The following PTPRN2 variants were observed in gnomAD, a reference collection of about 807,000 sequenced individuals.
PTPRN2 encodes the protein protein tyrosine phosphatase receptor type N2, also known as receptor-type tyrosine-protein phosphatase N2.
PTPRN2 carries 74 observed loss-of-function variants against 118.8 expected under a neutral mutation model. That is an observed-to-expected ratio of 0.62 (90% CI 0.52 to 0.76). PTPRN2 has a LOEUF of 0.76. Ranked by LOEUF, PTPRN2 falls within the 30% of genes least tolerant of loss-of-function variation. PTPRN2 has a pLI of 0.00. For missense variants in PTPRN2, 1,481 were observed against 1,394.4 expected, an observed-to-expected ratio of 1.06 and a Z score of -0.99; for synonymous variants, 641 against 608.0, an observed-to-expected ratio of 1.05 and a Z score of -0.80.
chr7:158,353,758 A>G (rs1427055760), intron 2 of PTPRN2, among the ~76,000 whole-genome samples: 7 of 152,192 alleles, frequency 4.6e-5, no homozygotes, highest in Admixed American at 6.5e-5. Context: ...CATCCAGTAC[A>G]CAAAAGATTT....
At chr7:158,120,598 A>G (rs1158604187) in intron 9 of PTPRN2, among the ~76,000 whole-genome samples, 1 of 152,170 alleles carries the variant, frequency 6.6e-6, no homozygotes, top group Non-Finnish European at 1.5e-5. Flanking sequence ...TGGATTTTTC[A>G]AGGCTGCATT....
chr7:158,189,840 G>T (rs528075510), intron 5 of PTPRN2, among the ~76,000 whole-genome samples: 6 of 152,212 alleles, frequency 3.9e-5, no homozygotes, highest in Non-Finnish European at 7.3e-5. Flanking sequence ...AAGACACAGC[G>T]GGGCAGAGGA....
At chr7:158,164,675 CAAT>C (rs1005331950) in intron 6 of PTPRN2, among the ~76,000 whole-genome samples, 1 of 152,064 alleles carries the variant, frequency 6.6e-6, no homozygotes, top group Admixed American at 6.6e-5. Context: ...TTTCTGTTCC[CAAT>C]AATGAGGACA....
chr7:158,422,690 T>C (rs1008982924), intron 2 of PTPRN2, among the ~76,000 whole-genome samples: 1 of 151,310 alleles, frequency 6.6e-6, no homozygotes, highest in Non-Finnish European at 1.5e-5. Context: ...TGCCGGCTTC[T>C]GGGGCCACCA....
chr7:158,261,441 G>A (rs923914513), intron 3 of PTPRN2, among the ~76,000 whole-genome samples: 4 of 152,126 alleles, frequency 2.6e-5, no homozygotes, highest in African/African-American at 7.2e-5. Flanking sequence ...AGCCTCAGGG[G>A]CTCACAGGCA....
At chr7:157,772,806 T>C (rs1390773699) in intron 12 of PTPRN2, among the ~76,000 whole-genome samples, 2 of 152,256 alleles carry the variant, frequency 1.3e-5, no homozygotes, top group African/African-American at 4.8e-5. Flanking sequence ...TTGCATCTTC[T>C]TTCTTCTCTG....
intron 9 of PTPRN2, among the ~76,000 whole-genome samples, chr7:158,125,332 AGTCCCTCCCACAGCCGCCCCCTGCCTCGC>A (rs1397865674): frequency 2.1e-5 from 3 of 139,766 alleles, no homozygotes; most frequent in Non-Finnish European, 3.1e-5. Context: ...CCCTGCCTCA[AGTCCCTCCCACAGCCGCCCCCTGCCTCGC>A]GTCCCTCCCA....
chr7:157,930,123 C>T (rs746914094), intron 11 of PTPRN2, among the ~76,000 whole-genome samples: 9 of 152,286 alleles, frequency 5.9e-5, no homozygotes, highest in Admixed American at 2.6e-4. Context: ...AGATGTTTTC[C>T]GGAACCTTCC....
At chr7:157,728,340 C>A (rs978990459) in intron 12 of PTPRN2, among the ~76,000 whole-genome samples, 1 of 152,216 alleles carries the variant, frequency 6.6e-6, no homozygotes, top group Non-Finnish European at 1.5e-5. Context: ...GGGAAGAAGG[C>A]GCGTGAAGAT....
intron 5 of PTPRN2, among the ~76,000 whole-genome samples, chr7:158,183,126 C>T (rs889438135): frequency 2.0e-5 from 3 of 152,144 alleles, no homozygotes; most frequent in African/African-American, 7.2e-5. Context: ...CTTTTGGTTT[C>T]CATTTGCATG....
chr7:158,079,445 A>C (rs1310466870), intron 11 of PTPRN2, among the ~76,000 whole-genome samples: 1 of 152,240 alleles, frequency 6.6e-6, no homozygotes, highest in African/African-American at 2.4e-5. Flanking sequence ...GCTTTCAAAT[A>C]ATCAACCTCA....
chr7:158,138,608 G>A (rs1224142401), intron 6 of PTPRN2, 93 bp from the exon 7 acceptor site: 1 of 1,231,562 alleles, frequency 8.1e-7, no homozygotes, highest in East Asian at 2.4e-5. Flanking sequence ...GGCGTCTGCG[G>A]CGTCCCAAGG....
At chr7:157,800,982 T>C (rs7802676) in intron 12 of PTPRN2, among the ~76,000 whole-genome samples, 21,339 of 150,412 alleles carry the variant, frequency 0.14, 1,595 homozygotes, top group African/African-American at 0.17. Context: ...TATATATATA[T>C]ACACACACAT....
chr7:157,992,271 G>A (rs964319158), intron 11 of PTPRN2, among the ~76,000 whole-genome samples: 6 of 152,236 alleles, frequency 3.9e-5, no homozygotes, highest in African/African-American at 7.2e-5. Context: ...TCATTTAAAC[G>A]TGATCAAAGA....
intron 3 of PTPRN2, among the ~76,000 whole-genome samples, chr7:158,286,297 CAG>C (rs1397955022): frequency 6.6e-6 from 1 of 152,172 alleles, no homozygotes; most frequent in Non-Finnish European, 1.5e-5. Flanking sequence ...CATCTGCAAA[CAG>C]GGACAATTTT....
At chr7:157,741,171 T>C (rs1307890198) in intron 12 of PTPRN2, among the ~76,000 whole-genome samples, 2 of 152,350 alleles carry the variant, frequency 1.3e-5, no homozygotes, top group East Asian at 3.9e-4. Flanking sequence ...ACCAGCCCTA[T>C]GGAAAAGAGC....
At chr7:158,065,347 T>A (rs1427898746) in intron 11 of PTPRN2, among the ~76,000 whole-genome samples, 1 of 152,154 alleles carries the variant, frequency 6.6e-6, no homozygotes, top group Non-Finnish European at 1.5e-5. Context: ...GGACATAAGA[T>A]CATGGGGGAG....
chr7:157,960,670 G>A (rs537647691), intron 11 of PTPRN2, among the ~76,000 whole-genome samples: 4 of 152,292 alleles, frequency 2.6e-5, no homozygotes, highest in South Asian at 2.1e-4. Context: ...AAAAGACCAA[G>A]ATATTTTTAT....
At chr7:157,895,764 G>A (rs1272877934) in intron 12 of PTPRN2, among the ~76,000 whole-genome samples, 2 of 152,130 alleles carry the variant, frequency 1.3e-5, no homozygotes, top group Non-Finnish European at 2.9e-5. Context: ...CTAATCAAAT[G>A]CTGTGGAGGC....
Sources: allele counts gnomAD v4.1 joint callset (sites outside exome capture counted in the v4.1 genomes callset), GRCh38; gene constraint gnomAD v4.1.1; transcripts MANE v1.5; gene names NCBI Gene and HGNC (gene_info 2026-07-23, HGNC 2026-07-21).